Variants in PTGER3 observed in about 807,000 individuals in gnomAD.
The protein encoded by PTGER3 is prostaglandin E receptor 3.
Under a neutral mutation model 34.7 loss-of-function variants are expected in PTGER3, and 22 were observed. That is an observed-to-expected ratio of 0.63 (90% CI 0.45 to 0.91). PTGER3 has a LOEUF of 0.91. Among genes scored for constraint, PTGER3 ranks in the 40% least tolerant of loss-of-function variants. The probability of loss-of-function intolerance (pLI) is 0.00; values close to 1 mark genes in which losing one functional copy is unlikely to be tolerated. For synonymous variants in PTGER3, 241 were observed against 230.1 expected, an observed-to-expected ratio of 1.05 and a Z score of -0.43; for missense variants, 468 against 519.4, an observed-to-expected ratio of 0.90 and a Z score of 0.96.
intron 1 of PTGER3, among the ~76,000 whole-genome samples, chr1:71,014,453 A>G (rs1297617426): frequency 6.6e-6 from 1 of 152,220 alleles, no homozygotes; most frequent in Non-Finnish European, 1.5e-5. Flanking sequence ...CAGATGGTAC[A>G]TGTACGGACT....
At chr1:70,991,927 G>C (rs1033112066) in intron 2 of PTGER3, among the ~76,000 whole-genome samples, 1 of 152,048 alleles carries the variant, frequency 6.6e-6, no homozygotes, top group Non-Finnish European at 1.5e-5. Context: ...GATCCTATAA[G>C]GTTAGGAAAG....
chr1:71,044,157 C>A (rs190574229), intron 1 of PTGER3, among the ~76,000 whole-genome samples: 7 of 150,612 alleles, frequency 4.6e-5, no homozygotes, highest in Admixed American at 3.3e-4. Context: ...TTCTCCTAGG[C>A]CGGGCACGGT....
At chr1:70,970,605 G>A (rs926650088), downstream of PTGER3, among the ~76,000 whole-genome samples, 3 of 151,964 alleles carry the variant, frequency 2.0e-5, no homozygotes, top group African/African-American at 4.8e-5. Context: ...GTGACAGCAT[G>A]GCCTTTAGCA....
At position 70,853,988 on chromosome 1, in the gene PTGER3, G is replaced by C. The variant is rs998481219; in HGVS notation, c.*24-1129C>G. On this transcript the variant is annotated intron_variant, in intron 4 of 4. Coordinates refer to the PTGER3 transcript ENST00000370931. ...AAAAATAAACTCAAAATGAATTAAAGACCTAGGCATAAGACCTTAAAATAT... is the reference window on the plus strand; with the variant it reads ...AAAAATAAACTCAAAATGAATTAAACACCTAGGCATAAGACCTTAAAATAT... 3.9e-5 allele frequency among the ~76,000 whole-genome samples: 6 copies of C among 152,206 alleles called. No homozygotes were observed. In the Middle Eastern group the frequency reaches 0.01, roughly 261 times the overall value.
At chr1:71,003,401 G>C (rs1215200815) in intron 2 of PTGER3, among the ~76,000 whole-genome samples, 1 of 152,122 alleles carries the variant, frequency 6.6e-6, no homozygotes, top group Non-Finnish European at 1.5e-5. Context: ...CCAGGGAGGT[G>C]GGTAGATGAC....
downstream of PTGER3, among the ~76,000 whole-genome samples, chr1:70,949,703 G>A (rs1296581959): frequency 1.3e-5 from 2 of 152,126 alleles, no homozygotes; most frequent in Non-Finnish European, 2.9e-5. Context: ...TACTGACGCT[G>A]GCACAGGTAG....
At chr1:70,963,308 C>T (rs1318760290) in intron 2 of PTGER3, among the ~76,000 whole-genome samples, 1 of 152,114 alleles carries the variant, frequency 6.6e-6, no homozygotes, top group East Asian at 1.9e-4. Context: ...CTGGGGTCTG[C>T]AGGATGGGAG....
intron 4 of PTGER3, among the ~76,000 whole-genome samples, chr1:70,874,317 A>G (rs558807191): frequency 3.9e-5 from 6 of 152,092 alleles, no homozygotes; most frequent in Non-Finnish European, 5.9e-5. Context: ...AATTGAATTT[A>G]TTTCTACTTA....
chr1:70,960,949 G>A (rs967496389), intron 2 of PTGER3, among the ~76,000 whole-genome samples: 3 of 152,150 alleles, frequency 2.0e-5, no homozygotes, highest in East Asian at 1.9e-4. Flanking sequence ...ATCACCAGAG[G>A]TCTTCTAAAA....
At chr1:70,935,593 C>T (rs1262340222) in intron 4 of PTGER3, among the ~76,000 whole-genome samples, 1 of 150,676 alleles carries the variant, frequency 6.6e-6, no homozygotes, top group Non-Finnish European at 1.5e-5. Context: ...TTTTACTTAA[C>T]AAATATTTTA....
At chr1:71,027,723 C>T (rs1397983663) in intron 1 of PTGER3, among the ~76,000 whole-genome samples, 1 of 151,934 alleles carries the variant, frequency 6.6e-6, no homozygotes. Context: ...TTTCTAGTAG[C>T]CAGATTTTTT....
At chr1:70,961,347 A>T (rs1357961229) in intron 2 of PTGER3, among the ~76,000 whole-genome samples, 1 of 152,180 alleles carries the variant, frequency 6.6e-6, no homozygotes, top group Non-Finnish European at 1.5e-5. Flanking sequence ...GAATTTTGCA[A>T]TATGGCAGTA....
chr1:70,852,619 C>T (rs1645705755), exon 5 of PTGER3: 2 of 598,582 alleles, frequency 3.3e-6, no homozygotes, highest in African/African-American at 3.8e-5. Context: ...AACAATAGGA[C>T]ATAAGTTTAA....
chr1:71,018,639 C>A (rs752512357), intron 1 of PTGER3, among the ~76,000 whole-genome samples: 114 of 152,118 alleles, frequency 7.5e-4, no homozygotes, highest in Non-Finnish European at 1.0e-3. Context: ...TTTTTATTTT[C>A]TCTATAAAAT....
At chr1:70,941,167 A>T (rs2100544169) in intron 4 of PTGER3, among the ~76,000 whole-genome samples, 1 of 152,300 alleles carries the variant, frequency 6.6e-6, no homozygotes, top group Non-Finnish European at 1.5e-5. Context: ...AAGAGTTGTC[A>T]AGTCTAAAAA....
intron 4 of PTGER3, among the ~76,000 whole-genome samples, chr1:70,860,306 C>T (rs1047580773): frequency 7.2e-5 from 11 of 152,120 alleles, no homozygotes; most frequent in African/African-American, 2.7e-4. Context: ...TTTTATTCAA[C>T]TTCATTTCAT....
intron 4 of PTGER3, among the ~76,000 whole-genome samples, chr1:70,862,587 G>A (rs1471671012): frequency 6.6e-6 from 1 of 152,144 alleles, no homozygotes; most frequent in Admixed American, 6.5e-5. Flanking sequence ...GTGTTTTGAA[G>A]GAAGGATAAG....
At chr1:70,940,290 G>A (rs1649633308) in intron 4 of PTGER3, among the ~76,000 whole-genome samples, 1 of 152,156 alleles carries the variant, frequency 6.6e-6, no homozygotes, top group Non-Finnish European at 1.5e-5. Context: ...TTGGGGCAAA[G>A]CCATCCAACA....
At chr1:71,046,166 T>C (rs1429370009) in intron 1 of PTGER3, among the ~76,000 whole-genome samples, 1 of 150,052 alleles carries the variant, frequency 6.7e-6, no homozygotes, top group Non-Finnish European at 1.5e-5. Context: ...GCGCCTGTAG[T>C]CCCAGCTACT....
Sources: allele counts gnomAD v4.1 joint callset (sites outside exome capture counted in the v4.1 genomes callset), GRCh38; gene constraint gnomAD v4.1.1; transcripts MANE v1.5; gene names NCBI Gene and HGNC (gene_info 2026-07-23, HGNC 2026-07-21).